The following NXN variants were observed in gnomAD, a reference collection of about 807,000 sequenced individuals.
NXN encodes nucleoredoxin 1.
In NXN, 16 loss-of-function variants were observed where a neutral mutation model predicts 48.6. The ratio of observed to expected loss-of-function variants is 0.33; its 90% confidence interval spans 0.22 to 0.50. The LOEUF is 0.50. Ranked by LOEUF, NXN falls within the 20% of genes least tolerant of loss-of-function variation. The pLI, the probability that NXN is intolerant of heterozygous loss-of-function variation, is 0.98. For missense variants in NXN, 492 were observed against 605.5 expected (o/e 0.81, Z 1.97); for synonymous variants, 281 against 269.6 (o/e 1.04, Z -0.41).
At position 839,795 on chromosome 17, in the gene NXN, G is replaced by C. The variant is rs1365954601; in HGVS notation, c.361-13717C>G. Among the ~76,000 whole-genome samples the C allele has an allele frequency of 8.6e-4, 34 of 39,556 alleles. No individual in the cohort carries two copies. The Middle Eastern group carries it at 0.068, about 79-fold the overall frequency. The allele number at this position is 39,556 out of a possible 152,430, so 26.0% of individuals were successfully genotyped here. On this transcript the variant is annotated intron_variant, in intron 1 of 7. Coordinates refer to ENST00000336868, the MANE Select transcript of NXN (RefSeq NM_022463.5). Reference sequence around the variant, plus strand: ...TCCAGCCTGGCGACAGAGAGACCTTGTTAAAAAAAAAAAAAAAAAGGCCAG... The same window carrying C: ...TCCAGCCTGGCGACAGAGAGACCTTCTTAAAAAAAAAAAAAAAAAGGCCAG...
chr17:884,090 G>A (rs1480418615), intron 1 of NXN, among the ~76,000 whole-genome samples: 2 of 152,074 alleles, frequency 1.3e-5, no homozygotes, highest in Admixed American at 1.3e-4. Context: ...GCGTGGTGGT[G>A]GGCGCCTGTG....
chr17:858,846 G>C (rs1678457836), intron 1 of NXN, among the ~76,000 whole-genome samples: 2 of 152,214 alleles, frequency 1.3e-5, no homozygotes, highest in Non-Finnish European at 2.9e-5. Flanking sequence ...TGTTAGAACA[G>C]ATTGGAGTTC....
intron 1 of NXN, among the ~76,000 whole-genome samples, chr17:826,664 C>A (rs1913119328): frequency 6.6e-6 from 1 of 152,212 alleles, no homozygotes; most frequent in African/African-American, 2.4e-5. Context: ...TTAACATCTG[C>A]CCCCTCAGCC....
At chr17:802,532 C>T (rs1304087240) in intron 7 of NXN, among the ~76,000 whole-genome samples, 4 of 152,212 alleles carry the variant, frequency 2.6e-5, no homozygotes, top group Admixed American at 1.3e-4. Context: ...CTCTCAAGGC[C>T]GCCCCCGCCC....
Position 870,540 on chromosome 17 carries a change from C to T in NXN, c.361-44462G>A, listed in dbSNP as rs534398617. On this transcript the variant is annotated intron_variant, in intron 1 of 7. Transcript: ENST00000336868. ...GGAGGATTGTTTGAGTCCAGGAGTT[C>T]GAGACCAGCCTGGACAATATACTGA... is the stretch of plus-strand genomic sequence containing the variant. 3.3e-5 allele frequency among the ~76,000 whole-genome samples: 5 copies of T among 151,892 alleles called. No individual in the cohort carries two copies. The South Asian group carries it at 6.2e-4, about 19-fold the overall frequency.
At chr17:871,815 C>T (rs1038530187) in intron 1 of NXN, among the ~76,000 whole-genome samples, 3 of 152,174 alleles carry the variant, frequency 2.0e-5, no homozygotes, top group African/African-American at 7.2e-5. Context: ...TACTGATGAA[C>T]ACCTAACAGT....
chr17:848,760 A>G (rs2067892624), intron 1 of NXN, among the ~76,000 whole-genome samples: 1 of 152,188 alleles, frequency 6.6e-6, no homozygotes, highest in Admixed American at 6.5e-5. Flanking sequence ...TCAGAAGCTA[A>G]CAAGAAAGCG....
At chr17:969,505 A>G (rs2069346728) in intron 1 of NXN, among the ~76,000 whole-genome samples, 1 of 152,192 alleles carries the variant, frequency 6.6e-6, no homozygotes, top group South Asian at 2.1e-4. Context: ...AAAACGCTGC[A>G]CTCACAGCTA....
At position 830,839 on chromosome 17, in the gene NXN, A is replaced by G. The variant is rs1390618852; in HGVS notation, c.361-4761T>C. On this transcript the variant is annotated intron_variant, in intron 1 of 7. Transcript: ENST00000336868. The surrounding 1 kb of genome is among the most constrained non-coding windows in gnomAD (Gnocchi z 4.2). Reference sequence around the variant, plus strand: ...AACACGGTGAAAGCCCATCTCTACTAAAAATATAAAATTAACCAGGCATGG... The same window carrying G: ...AACACGGTGAAAGCCCATCTCTACTGAAAATATAAAATTAACCAGGCATGG... 6.6e-6 allele frequency among the ~76,000 whole-genome samples: 1 copy of G among 152,096 alleles called. No homozygotes were observed. The highest frequency in any genetic ancestry group is 1.5e-5 in the Non-Finnish European group (1 of 68,016).
chr17:861,485 A>T (rs2068040191), intron 1 of NXN, among the ~76,000 whole-genome samples: 1 of 152,146 alleles, frequency 6.6e-6, no homozygotes, highest in Non-Finnish European at 1.5e-5. Context: ...AGGCCCAGCA[A>T]GGAACACACT....
chr17:945,011 T>A (rs2069026109), intron 1 of NXN, among the ~76,000 whole-genome samples: 1 of 151,962 alleles, frequency 6.6e-6, no homozygotes, highest in Non-Finnish European at 1.5e-5. Flanking sequence ...AGAGGAGAAT[T>A]CTCACAAGGG....
chr17:863,298 G>A (rs899155272), intron 1 of NXN, among the ~76,000 whole-genome samples: 21 of 152,270 alleles, frequency 1.4e-4, no homozygotes, highest in Non-Finnish European at 2.6e-4. Context: ...CTCCTGAGTA[G>A]CTGGAACTAC....
intron 1 of NXN, among the ~76,000 whole-genome samples, chr17:902,514 C>T (rs1223711345): frequency 6.6e-6 from 1 of 152,158 alleles, no homozygotes; most frequent in African/African-American, 2.4e-5. Flanking sequence ...CTGCCCTGTC[C>T]CCTCCCCCAA....
chr17:875,118 G>A lies in NXN; in HGVS notation c.361-49040C>T, dbSNP rs545132202. Among the ~76,000 whole-genome samples, 251 of 151,254 alleles carry A rather than the reference G, an allele frequency of 1.7e-3. 1 individual carries two copies. Among genetic ancestry groups the A allele is most frequent in the Admixed American group, 3.2e-3 (48 of 15,134 alleles). ...ACAATCTCAGCTCACTGCAACCTCC[G>A]CCTCCCGGGTTCAAGTGATTCTTGT... On this transcript the variant is annotated intron_variant, in intron 1 of 7. Coordinates refer to ENST00000336868, the MANE Select transcript of NXN (RefSeq NM_022463.5).
In NXN at chr17:803,974, T is replaced by G. The variant is rs1911345758; in HGVS notation, c.1001-168A>C. 6.2e-6 allele frequency: 5 copies of G among 802,230 alleles called. No homozygotes were observed. In the East Asian group the frequency reaches 1.3e-4, roughly 21 times the overall value. The allele number at this position is 802,230 out of a possible 1,614,324, so 49.7% of individuals were successfully genotyped here. A position where few individuals can be genotyped will look rare whatever the true frequency, so the allele number is the denominator to read the frequency against. On this transcript the variant is annotated intron_variant, in intron 6 of 7. Coordinates refer to ENST00000336868, the MANE Select transcript of NXN (RefSeq NM_022463.5). ...AGGTCTTGCTCCCCGCATGCATGGG[T>G]GTGTGTGCACATGCGTCCCAGCAGC...
chr17:934,270 C>A (rs936694996), intron 1 of NXN, among the ~76,000 whole-genome samples: 1 of 151,686 alleles, frequency 6.6e-6, no homozygotes, highest in Non-Finnish European at 1.5e-5. Context: ...ACGGTGAAAC[C>A]CTGTCTCTAC....
chr17:926,337 C>G (rs897062567), intron 1 of NXN, among the ~76,000 whole-genome samples: 1 of 152,170 alleles, frequency 6.6e-6, no homozygotes, highest in East Asian at 1.9e-4. Flanking sequence ...CAGGCATGCA[C>G]CACTACACCC....
chr17:826,782 C>G (rs892650874), intron 1 of NXN, among the ~76,000 whole-genome samples: 3 of 152,204 alleles, frequency 2.0e-5, no homozygotes, highest in Non-Finnish European at 4.4e-5. Flanking sequence ...AGGGCCAGCC[C>G]CAACCCTCGG....
rs368102623 is a variant in NXN, at chr17:871,880, G to A, written c.361-45802C>T. Among the ~76,000 whole-genome samples the A allele has an allele frequency of 2.0e-5, 3 of 152,162 alleles. No individual in the cohort carries two copies. In the East Asian group the frequency reaches 5.8e-4, roughly 29 times the overall value. On this transcript the variant is annotated intron_variant, in intron 1 of 7. Coordinates refer to ENST00000336868, the MANE Select transcript of NXN (RefSeq NM_022463.5). ...AACCACATATCACCAAGCATCTGCA[G>A]TGCTATTTGCTTTATTTCCTGGGAA...
Sources: allele counts gnomAD v4.1 joint callset (sites outside exome capture counted in the v4.1 genomes callset), GRCh38; gene constraint gnomAD v4.1.1; non-coding constraint Gnocchi (gnomAD v3.1); transcripts MANE v1.5; gene names NCBI Gene and HGNC (gene_info 2026-07-23, HGNC 2026-07-21).